Variants in ATCAY observed in about 807,000 individuals in gnomAD.
ATCAY encodes the protein caytaxin.
In ATCAY, 22 loss-of-function variants were observed where a neutral mutation model predicts 47.7. The observed-to-expected ratio is 0.46, with a 90% CI of 0.33 to 0.66. The LOEUF (loss-of-function observed/expected upper bound fraction) is 0.66, where lower values mean the gene tolerates loss of function less well. ATCAY is among the 30% of genes least tolerant of loss of function. The pLI, the probability that ATCAY is intolerant of heterozygous loss-of-function variation, is 0.02. For synonymous variants in ATCAY, 216 were observed against 207.6 expected (o/e 1.04, Z -0.35); for missense variants, 452 against 515.0 (o/e 0.88, Z 1.18).
intron 6 of ATCAY, among the ~76,000 whole-genome samples, chr19:3,909,083 A>G (rs115543950): frequency 0.04 from 4,908 of 123,850 alleles, 444 homozygotes; most frequent in African/African-American, 0.15. Flanking sequence ...TACTAAAACT[A>G]CAATTTAGCT....
chr19:3,909,743 A>G (rs2038907087), intron 7 of ATCAY, 126 bp downstream of exon 7: 1 of 1,362,620 alleles, frequency 7.3e-7, no homozygotes, highest in Non-Finnish European at 1.0e-6. Flanking sequence ...CCTTGAGCCC[A>G]GGAGTTTGAG....
intron 4 of ATCAY, among the ~76,000 whole-genome samples, 152 bp downstream of exon 4, chr19:3,905,807 G>C (rs1302302034): frequency 6.6e-6 from 1 of 151,974 alleles, no homozygotes; most frequent in Non-Finnish European, 1.5e-5. Context: ...ACTGCAGTGA[G>C]ACGTGATCAT....
chr19:3,901,448 C>CTATT (rs2038815662), intron 2 of ATCAY, among the ~76,000 whole-genome samples: 1 of 152,042 alleles, frequency 6.6e-6, no homozygotes, highest in African/African-American at 2.4e-5. Flanking sequence ...GGGGTTTTAT[C>CTATT]TATTTATTTA....
chr19:3,889,007 T>C (rs2038689964), intron 2 of ATCAY, among the ~76,000 whole-genome samples: 1 of 152,020 alleles, frequency 6.6e-6, no homozygotes. Flanking sequence ...CGGAGGCTGA[T>C]GTCTGTAATC....
At position 3,911,027 on chromosome 19, in the gene ATCAY, T is replaced by G. The variant is rs1014230374; in HGVS notation, c.866+138T>G. 7 of 922,702 alleles carry G rather than the reference T, an allele frequency of 7.6e-6. No homozygotes were observed. The African/African-American group carries it at 8.1e-5, about 11-fold the overall frequency. The allele number at this position is 922,702 out of a possible 1,614,324, so 57.2% of individuals were successfully genotyped here. A position where few individuals can be genotyped will look rare whatever the true frequency, so the allele number is the denominator to read the frequency against. On this transcript the variant is annotated intron_variant, in intron 8 of 12. Transcript: ENST00000450849. Reference sequence around the variant, plus strand: ...TGTGTGTGTGCATCCATGTGTGTGTTTGATGTGCATGTTCCAGCTTCTCTA... The same window carrying G: ...TGTGTGTGTGCATCCATGTGTGTGTGTGATGTGCATGTTCCAGCTTCTCTA...
At chr19:3,921,862 A>C (rs967326502) in intron 12 of ATCAY, among the ~76,000 whole-genome samples, 1 of 151,598 alleles carries the variant, frequency 6.6e-6, no homozygotes, top group Non-Finnish European at 1.5e-5. Flanking sequence ...GCACCATTGC[A>C]TTCCAGCCTG....
In ATCAY at chr19:3,920,801, G is replaced by A; in HGVS notation, c.1106+3G>A. The stretch of plus-strand genomic sequence containing the variant: ...GTCTCAGAAGATCAGGAAACAAGGT[G>A]GGTGTGATGCAGAGTGGTCTTCGTG... On this transcript the variant is annotated splice_donor_region_variant and intron_variant, in intron 12 of 12. Coordinates refer to ENST00000450849, the MANE Select transcript of ATCAY (RefSeq NM_033064.5). 1 of 1,613,708 alleles carries A rather than the reference G, an allele frequency of 6.2e-7. No individual in the cohort carries two copies. Among genetic ancestry groups the A allele is most frequent in the Admixed American group, 1.7e-5 (1 of 59,984 alleles).
intron 2 of ATCAY, among the ~76,000 whole-genome samples, chr19:3,895,466 C>T (rs539949823): frequency 1.4e-4 from 21 of 152,150 alleles, no homozygotes; most frequent in African/African-American, 5.1e-4. Context: ...CTGCCCGCCT[C>T]GGCCTCCCAA....
At chr19:3,905,105 C>T (rs550610540) in intron 3 of ATCAY, among the ~76,000 whole-genome samples, 3 of 152,202 alleles carry the variant, frequency 2.0e-5, no homozygotes, top group East Asian at 1.9e-4. Flanking sequence ...GTGATCTGCC[C>T]GCCTCGGCCT....
Position 3,924,944 on chromosome 19 carries a change from C to G in ATCAY, c.*352C>G, listed in dbSNP as rs2039053780. 1 of 268,844 alleles carries G rather than the reference C, an allele frequency of 3.7e-6. No individual in the cohort carries two copies. The highest frequency in any genetic ancestry group is 2.2e-5 in the African/African-American group (1 of 45,382). The allele number at this position is 268,844 out of a possible 1,614,324, so 16.7% of individuals were successfully genotyped here. A position where few individuals can be genotyped will look rare whatever the true frequency, so the allele number is the denominator to read the frequency against. On this transcript the variant is annotated 3_prime_UTR_variant, in exon 13 of 13. Coordinates refer to ENST00000450849, the MANE Select transcript of ATCAY (RefSeq NM_033064.5). ...CTGCTCGCAGCCTCTGTGGTCAGAGCTGGATACAAGATTCAAGACCCTTCT... is the reference window on the plus strand; with the variant it reads ...CTGCTCGCAGCCTCTGTGGTCAGAGGTGGATACAAGATTCAAGACCCTTCT...
chr19:3,922,818 C>G (rs1366818542), intron 12 of ATCAY, among the ~76,000 whole-genome samples: 1 of 152,112 alleles, frequency 6.6e-6, no homozygotes, highest in Non-Finnish European at 1.5e-5. Flanking sequence ...GATCTTGGCT[C>G]ACTGCAAGCT....
intron 2 of ATCAY, 53 bp downstream of exon 2, chr19:3,885,897 A>G (rs1419911318): frequency 2.6e-6 from 4 of 1,531,998 alleles, no homozygotes; most frequent in Non-Finnish European, 3.5e-6. Flanking sequence ...TGTCTCTCCC[A>G]GGTGGGACAC....
At chr19:3,902,616 G>A (rs1435603364) in intron 3 of ATCAY, 71 bp downstream of exon 3, 5 of 1,495,740 alleles carry the variant, frequency 3.3e-6, no homozygotes, top group Admixed American at 4.0e-5. Flanking sequence ...GCCTGGGGCT[G>A]TAACTGTAGA....
At position 3,924,478 on chromosome 19, in the gene ATCAY, C is replaced by A. The variant is rs537896438; in HGVS notation, c.1107-105C>A. 9.9e-4 allele frequency: 1,389 copies of A among 1,397,338 alleles called. 2 individuals are homozygous for A. Among genetic ancestry groups the A allele is most frequent in the Non-Finnish European group, 1.3e-3 (1,272 of 991,182 alleles). The allele number at this position is 1,397,338 out of a possible 1,614,324, so 86.6% of individuals were successfully genotyped here. A position where few individuals can be genotyped will look rare whatever the true frequency, so the allele number is the denominator to read the frequency against. On this transcript the variant is annotated intron_variant, in intron 12 of 12. Transcript: ENST00000450849. The stretch of plus-strand genomic sequence containing the variant: ...TGCCACTCTTGCTGCTGGGAGTTCA[C>A]CCACGCTGGGTGGGATCATTGTTTT...
intron 12 of ATCAY, among the ~76,000 whole-genome samples, chr19:3,922,761 T>C (rs1243745445): frequency 3.3e-5 from 5 of 152,116 alleles, no homozygotes; most frequent in African/African-American, 4.8e-5. Context: ...GTTGTTGTTT[T>C]TGAGATGGAG....
At chr19:3,911,359 C>T (rs1201061330) in intron 8 of ATCAY, among the ~76,000 whole-genome samples, 4 of 151,778 alleles carry the variant, frequency 2.6e-5, no homozygotes, top group African/African-American at 9.7e-5. Context: ...GAGTGAGACC[C>T]TGTCTCAAAA....
rs146725481 is a variant in ATCAY at position 3,881,521 on chromosome 19, A to C, written c.-42+513A>C. 3.9e-5 allele frequency among the ~76,000 whole-genome samples: 6 copies of C among 152,172 alleles called. No homozygotes were observed. In the South Asian group the frequency reaches 1.0e-3, roughly 26 times the overall value. On this transcript the variant is annotated intron_variant, in intron 1 of 12. Transcript: ENST00000450849. ...GTATGTGATTTGTTAATAATCAGACATCAGGGCTCAAATGAGCGCTTCACT... is the reference window on the plus strand; with the variant it reads ...GTATGTGATTTGTTAATAATCAGACCTCAGGGCTCAAATGAGCGCTTCACT...
chr19:3,909,427 G>C (rs1230718027), intron 6 of ATCAY, 59 bp from the exon 7 acceptor site: 2 of 1,571,014 alleles, frequency 1.3e-6, no homozygotes, highest in Non-Finnish European at 8.7e-7. Context: ...CGGCACCGCA[G>C]GTGTCCTGAC....
chr19:3,912,953 A>T (rs10853967), intron 8 of ATCAY, among the ~76,000 whole-genome samples: 5 of 151,058 alleles, frequency 3.3e-5, no homozygotes, highest in Admixed American at 6.6e-5. Context: ...AGAATTCAGG[A>T]TTGGAAGGGA....
Sources: gnomAD v4.1 joint callset for allele counts (sites outside exome capture counted in the v4.1 genomes callset) on GRCh38, gnomAD v4.1.1 for gene constraint, MANE v1.5 for transcripts, NCBI Gene and HGNC (gene_info 2026-07-23, HGNC 2026-07-21) for gene names.